TSHZ1: variants seen among roughly 807,000 people sequenced by gnomAD.
TSHZ1 encodes teashirt zinc finger homeobox 1.
Under a neutral mutation model 67.1 loss-of-function variants are expected in TSHZ1, and 12 were observed. That is an observed-to-expected ratio of 0.18 (90% confidence interval 0.11 to 0.29). TSHZ1 has a LOEUF of 0.29. TSHZ1 is among the 10% of genes least tolerant of loss of function. The probability of loss-of-function intolerance (pLI) is 1.00; values close to 1 mark genes in which losing one functional copy is unlikely to be tolerated. For missense variants in TSHZ1, 1,305 were observed against 1,413.9 expected (o/e 0.92, Z 1.23); for synonymous variants, 632 against 622.4 (o/e 1.02, Z -0.23).
At chr18:75,214,388 T>A (rs1364361226) in intron 1 of TSHZ1, among the ~76,000 whole-genome samples, 1 of 152,238 alleles carries the variant, frequency 6.6e-6, no homozygotes, top group Non-Finnish European at 1.5e-5. Context: ...CCAGTCAGAT[T>A]CCCTCTTAAA....
chr18:75,272,420 C>T (rs935881962), intron 1 of TSHZ1, among the ~76,000 whole-genome samples: 1 of 152,182 alleles, frequency 6.6e-6, no homozygotes, highest in Non-Finnish European at 1.5e-5. Flanking sequence ...CTGGGCAAAA[C>T]CACAGGGCGA....
chr18:75,220,925 T>G (rs912493381), intron 1 of TSHZ1: 1 of 152,262 alleles, frequency 6.6e-6, no homozygotes, highest in African/African-American at 2.4e-5. Flanking sequence ...TTTACCATTT[T>G]TATTTTCTCT....
At chr18:75,247,682 G>A (rs1026673271) in intron 1 of TSHZ1, among the ~76,000 whole-genome samples, 6 of 152,094 alleles carry the variant, frequency 3.9e-5, no homozygotes, top group Non-Finnish European at 5.9e-5. Flanking sequence ...AGTGTTCTCC[G>A]TATTTGGTAT....
chr18:75,256,315 T>C (rs577683055), intron 1 of TSHZ1, among the ~76,000 whole-genome samples: 18 of 152,318 alleles, frequency 1.2e-4, no homozygotes, highest in East Asian at 3.9e-4. Context: ...TTTTCAGTCA[T>C]TGAAGCCCAG....
At position 75,286,516 on chromosome 18, in the gene TSHZ1, T is replaced by A. The variant is rs751256498; in HGVS notation, c.1109T>A (p.Met370Lys). 6.2e-7 allele frequency: 1 copy of A among 1,614,062 alleles called. No individual in the cohort carries two copies. Among genetic ancestry groups the A allele is most frequent in the African/African-American group, 1.3e-5 (1 of 74,944 alleles). The stretch of plus-strand genomic sequence containing the variant: ...CCCTGCTCCCCTGAGCCAGCAGGAA[T>A]GGCCGCAGAGGTGGCCCTGAGTGAG... Reference protein sequence around the residue: ...APPCSPEPAGMAAEVALSESA... With the variant: ...APPCSPEPAGKAAEVALSESA... The change falls in exon 2 of 2, where the codon ATG becomes AAG. Residue 370 changes from methionine to lysine, a missense_variant. By Grantham distance (95) the Met-to-Lys change is moderately conservative. Around this residue, in one of 3 missense-constraint regions of TSHZ1, gnomAD observed 909 missense variants for 961.8 expected, o/e 0.95. Coordinates refer to ENST00000580243, the MANE Select transcript of TSHZ1 (RefSeq NM_001308210.2). The surrounding 1 kb of genome is among the most constrained non-coding windows in gnomAD (Gnocchi z 5.1).
chr18:75,239,420 A>G (rs1042283302), intron 1 of TSHZ1, among the ~76,000 whole-genome samples: 1 of 152,182 alleles, frequency 6.6e-6, no homozygotes, highest in Non-Finnish European at 1.5e-5. Flanking sequence ...TAATTTGCAA[A>G]ATTAAATTTT....
Position 75,288,412 on chromosome 18 carries a change from A to C in TSHZ1, c.3005A>C (p.Lys1002Thr). 6.2e-7 allele frequency: 1 copy of C among 1,614,240 alleles called. No homozygotes were observed. ...GGCTTCAGCCTGAAGGATCTCTCCA[A>C]GCTGCCACTCAATCAGATTCAAGAA... ...HLGFSLKDLS[K>T]LPLNQIQEQQ... The change falls in exon 2 of 2, where the codon AAG becomes ACG. Residue 1002 changes from lysine (K) to threonine (T), a missense_variant. By Grantham distance (78) the Lys-to-Thr change is moderately conservative (BLOSUM62 -1). This residue lies in a region of TSHZ1 where 909 missense variants were observed against 961.8 expected (regional missense o/e 0.95). Transcript: ENST00000580243. The surrounding 1 kb of genome is among the most constrained non-coding windows in gnomAD (Gnocchi z 4.9).
chr18:75,258,920 AAC>A (rs2023396257), intron 1 of TSHZ1, among the ~76,000 whole-genome samples: 1 of 152,204 alleles, frequency 6.6e-6, no homozygotes. Flanking sequence ...AAATTATAAA[AAC>A]AGATACTTAA....
intron 1 of TSHZ1, among the ~76,000 whole-genome samples, chr18:75,261,666 G>A (rs2023432332): frequency 6.6e-6 from 1 of 152,220 alleles, no homozygotes; most frequent in Admixed American, 6.5e-5. Context: ...GTTACATAGT[G>A]TATTCAGTTC....
rs1414005747 is a variant in TSHZ1, at chr18:75,260,045, A to AGCAGCTATCGGCCCATGATTCAGG, written c.41-25380_41-25379insGGCAGCTATCGGCCCATGATTCAG. On this transcript the variant is annotated intron_variant, in intron 1 of 1. Coordinates refer to ENST00000580243, the MANE Select transcript of TSHZ1 (RefSeq NM_001308210.2). ...GTCTCAAGTCAGCTCTGTGCTTCAT[A>AGCAGCTATCGGCCCATGATTCAGG]GCAGCTATCGGCCCATGATTCAGCC... Among the ~76,000 whole-genome samples, 52 of 152,328 alleles carry AGCAGCTATCGGCCCATGATTCAGG rather than the reference A, an allele frequency of 3.4e-4. No homozygotes were observed. The Middle Eastern group carries it at 0.014, about 40-fold the overall frequency.
intron 1 of TSHZ1, among the ~76,000 whole-genome samples, chr18:75,261,811 G>A (rs955553740): frequency 3.9e-5 from 6 of 152,184 alleles, no homozygotes; most frequent in Non-Finnish European, 5.9e-5. Context: ...TTTGACGTCG[G>A]GGGTGCGTGT....
At chr18:75,246,403 G>GGTGTGTGTGTGTATGTGTGTGTGTGT (rs2023222968) in intron 1 of TSHZ1, among the ~76,000 whole-genome samples, 1 of 108,372 alleles carries the variant, frequency 9.2e-6, no homozygotes, top group Non-Finnish European at 1.9e-5. Flanking sequence ...TTTGGTTTCT[G>GGTGTGTGTGTGTATGTGTGTGTGTGT]GTGTGTGTGT....
intron 1 of TSHZ1, among the ~76,000 whole-genome samples, chr18:75,270,473 A>AT (rs1201708924): frequency 1.3e-5 from 2 of 152,172 alleles, no homozygotes; most frequent in Non-Finnish European, 2.9e-5. Flanking sequence ...AGAACAAATA[A>AT]TTTTTTTCTC....
intron 1 of TSHZ1, among the ~76,000 whole-genome samples, chr18:75,280,493 TG>T (rs1322273109): frequency 2.6e-5 from 4 of 152,222 alleles, no homozygotes; most frequent in African/African-American, 4.8e-5. Context: ...ATATCTTCTC[TG>T]GCATTTAGAT....
At chr18:75,243,588 A>C (rs1005265253) in intron 1 of TSHZ1, among the ~76,000 whole-genome samples, 1 of 152,160 alleles carries the variant, frequency 6.6e-6, no homozygotes, top group Non-Finnish European at 1.5e-5. Flanking sequence ...TTGAAGGATG[A>C]ATCAATGTGG....
intron 1 of TSHZ1, among the ~76,000 whole-genome samples, chr18:75,248,503 C>T (rs537221308): frequency 3.0e-4 from 46 of 152,242 alleles, no homozygotes; most frequent in African/African-American, 9.6e-4. Context: ...GGTTATTTAT[C>T]GTAAGATAGA....
intron 1 of TSHZ1, among the ~76,000 whole-genome samples, chr18:75,260,087 T>TA (rs2023411894): frequency 6.6e-6 from 1 of 152,118 alleles, no homozygotes; most frequent in Non-Finnish European, 1.5e-5. Context: ...TTCCTAACCT[T>TA]GTGAATTAGT....
At chr18:75,263,110 A>T (rs1332011468) in intron 1 of TSHZ1, among the ~76,000 whole-genome samples, 2 of 152,198 alleles carry the variant, frequency 1.3e-5, no homozygotes. Context: ...AGGAAGCTTC[A>T]TACTATTCAG....
At position 75,287,479 on chromosome 18, in the gene TSHZ1, A is replaced by G. The variant is rs759933957; in HGVS notation, c.2072A>G (p.Gln691Arg). Residue 691 changes from glutamine to arginine, a missense_variant, in exon 2 of 2, where the codon CAG becomes CGG. Transcript: ENST00000580243. This position sits in a 1 kb window ranked among gnomAD's most constrained non-coding sequence, Gnocchi z 5.0. ...PKTEEVSGKP[Q>R]KKGPEAETGK... ...ACGGAGGAAGTCAGCGGCAAACCAC[A>G]GAAGAAGGGCCCTGAGGCCGAGACT... 2 of 1,614,244 alleles carry G rather than the reference A, an allele frequency of 1.2e-6. No homozygotes were observed. Among genetic ancestry groups the G allele is most frequent in the East Asian group, 4.5e-5 (2 of 44,886 alleles).
Sources: allele counts gnomAD v4.1 joint callset (sites outside exome capture counted in the v4.1 genomes callset), GRCh38; gene constraint gnomAD v4.1.1; regional missense constraint gnomAD v4.1.1; non-coding constraint Gnocchi (gnomAD v3.1); transcripts MANE v1.5; gene names NCBI Gene and HGNC (gene_info 2026-07-23, HGNC 2026-07-21).